MAPKAPK5: variants seen among roughly 807,000 people sequenced by gnomAD.
MAPKAPK5 encodes MAPK activated protein kinase 5, also known as MAP kinase-activated protein kinase 5.
MAPKAPK5 carries 30 observed loss-of-function variants against 65.1 expected under a neutral mutation model. That is an observed-to-expected ratio of 0.46 (90% confidence interval 0.34 to 0.63). The LOEUF is 0.63. MAPKAPK5 is among the 20% of genes least tolerant of loss of function. The pLI, the probability that MAPKAPK5 is intolerant of heterozygous loss-of-function variation, is 0.01. For synonymous variants in MAPKAPK5, 179 were observed against 204.6 expected, an observed-to-expected ratio of 0.87 and a Z score of 1.07; for missense variants, 433 against 581.4, an observed-to-expected ratio of 0.74 and a Z score of 2.63.
rs563154722 is a variant in MAPKAPK5, at chr12:111,883,838, G to T, written c.848+70G>T. Reference sequence around the variant, plus strand: ...GGTGGTGGAGCACAAGGGAATGTGGGTAGAGAAAAGTCACTGGTTTCCTAG... The same window carrying T: ...GGTGGTGGAGCACAAGGGAATGTGGTTAGAGAAAAGTCACTGGTTTCCTAG... On this transcript the variant is annotated intron_variant, in intron 9 of 13. Coordinates refer to ENST00000550735, the MANE Select transcript of MAPKAPK5 (RefSeq NM_003668.4). The surrounding 1 kb of genome is among the most constrained non-coding windows in gnomAD (Gnocchi z 4.8). The T allele has an allele frequency of 2.0e-6, 3 of 1,481,856 alleles. No homozygotes were observed. The African/African-American group carries it at 4.2e-5, about 21-fold the overall frequency. 91.8% of individuals were successfully genotyped at this position (1,481,856 alleles called of 1,614,324 possible).
Position 111,894,932 on chromosome 12 carries a change from C to T in MAPKAPK5, c.*1871C>T, listed in dbSNP as rs576936280. On this transcript the variant is annotated 3_prime_UTR_variant, in exon 14 of 14. Coordinates refer to ENST00000550735, the MANE Select transcript of MAPKAPK5 (RefSeq NM_003668.4). Reference sequence around the variant, plus strand: ...TTCTCTTCGATCAAAATTGATCTCACCAGCAACTTATTTTCTAACTCCTCC... The same window carrying T: ...TTCTCTTCGATCAAAATTGATCTCATCAGCAACTTATTTTCTAACTCCTCC... The T allele has an allele frequency of 1.3e-5, 2 of 152,064 alleles. No homozygotes were observed. Among genetic ancestry groups the T allele is most frequent in the African/African-American group, 4.8e-5 (2 of 41,478 alleles). The allele number at this position is 152,064 out of a possible 1,614,324, so 9.4% of individuals were successfully genotyped here.
intron 13 of MAPKAPK5, among the ~76,000 whole-genome samples, chr12:111,891,427 A>G: frequency 6.6e-6 from 1 of 151,720 alleles, no homozygotes. Flanking sequence ...TAGACATGCC[A>G]TAAGAAATCT....
At position 111,883,557 on chromosome 12, in the gene MAPKAPK5, GA is replaced by G; in HGVS notation, c.661-23del. 6.2e-7 allele frequency: 1 copy of G among 1,608,122 alleles called. No individual in the cohort carries two copies. Among genetic ancestry groups the G allele is most frequent in the Non-Finnish European group, 8.5e-7 (1 of 1,176,660 alleles). On this transcript the variant is annotated intron_variant, in intron 8 of 13. Transcript: ENST00000550735. This position sits in a 1 kb window ranked among gnomAD's most constrained non-coding sequence, Gnocchi z 4.8. ...TGGGGGCTCTGCTTCTGCTGTGAGT[GA>G]CCATTTTCTTTTTTGCTTTCAGAGC...
intron 5 of MAPKAPK5, 68 bp from the exon 6 acceptor site, chr12:111,870,203 C>A (rs2069738180): frequency 2.8e-6 from 3 of 1,071,380 alleles, no homozygotes; most frequent in South Asian, 1.6e-5. Flanking sequence ...ATCCTGAGTT[C>A]TCTACGCCAG....
Position 111,842,755 on chromosome 12 carries a change from G to C in MAPKAPK5, c.22G>C (p.Asp8His). The part of the protein sequence containing the change: MSEESDM[D>H]KAIKETSILE... The stretch of plus-strand genomic sequence containing the variant: ...GAGTATGTCGGAGGAGAGCGACATG[G>C]ACAAAGCCATCAAGGTAAGGGGGAG... Residue 8 changes from aspartate (D) to histidine (H), a missense_variant, in exon 1 of 14, where the codon GAC becomes CAC. Around this residue, in one of 3 missense-constraint regions of MAPKAPK5, gnomAD observed 165 missense variants for 180.0 expected, o/e 0.92. Coordinates refer to ENST00000550735, the MANE Select transcript of MAPKAPK5 (RefSeq NM_003668.4). 7.4e-7 allele frequency: 1 copy of C among 1,344,638 alleles called. No homozygotes were observed. The highest frequency in any genetic ancestry group is 9.6e-7 in the Non-Finnish European group (1 of 1,040,530). The allele number at this position is 1,344,638 out of a possible 1,614,324, so 83.3% of individuals were successfully genotyped here.
At chr12:111,885,803 C>T (rs1384246314) in intron 9 of MAPKAPK5, 113 bp from the exon 10 acceptor site, 2 of 1,380,548 alleles carry the variant, frequency 1.4e-6, no homozygotes, top group Non-Finnish European at 2.0e-6. Context: ...GTGGAAAGCC[C>T]AGGCTTGCAG....
rs376460255 is a variant in MAPKAPK5, at chr12:111,888,614, C to A, written c.1096C>A (p.Leu366Ile). The change falls in exon 11 of 14, where the codon CTT becomes ATT. Residue 366 changes from leucine to isoleucine, a missense_variant. By Grantham distance (5) the Leu-to-Ile change is conservative. Around this residue, in one of 3 missense-constraint regions of MAPKAPK5, gnomAD observed 169 missense variants for 215.6 expected, o/e 0.78. Transcript: ENST00000550735. ...NNPILRKRKL[L>I]GTKPKDSVYI... is the part of the protein sequence containing the mutation. ...CCCCATTCTGCGGAAGAGGAAGTTACTTGGGTAACTGAGCTTATTTCTTCG... is the reference window on the plus strand; with the variant it reads ...CCCCATTCTGCGGAAGAGGAAGTTAATTGGGTAACTGAGCTTATTTCTTCG... 5.6e-6 allele frequency: 9 copies of A among 1,613,612 alleles called. No individual in the cohort carries two copies. The African/African-American group carries it at 1.1e-4, about 19-fold the overall frequency.
At chr12:111,880,622 C>G in intron 8 of MAPKAPK5, 95 bp downstream of exon 8, 1 of 1,035,260 alleles carries the variant, frequency 9.7e-7, no homozygotes, top group Non-Finnish European at 1.5e-6. Flanking sequence ...CAATTCCTTT[C>G]TCACCCCTTA....
intron 1 of MAPKAPK5, among the ~76,000 whole-genome samples, chr12:111,858,752 GGGCTGGTCTCGAGCTCCTGACC>G (rs1312170827): frequency 6.8e-6 from 1 of 146,032 alleles, no homozygotes; most frequent in Non-Finnish European, 1.5e-5. Flanking sequence ...TGTGTTGGCC[GGGCTGGTCTCGAGCTCCTGACC>G]TCATGATCCG....
rs529872960 is a variant in MAPKAPK5, at chr12:111,859,404, G to A, written c.37-5846G>A. 1.7e-3 allele frequency among the ~76,000 whole-genome samples: 263 copies of A among 151,172 alleles called. 2 individuals carry two copies. The highest frequency in any genetic ancestry group is 1.6e-3 in the Non-Finnish European group (109 of 67,756). On this transcript the variant is annotated intron_variant, in intron 1 of 13. Transcript: ENST00000550735. ...AGCGATTCTCCTGCCTCAGCCTCCC[G>A]AGTAGCTGGGATTACAGGCACCCGC...
At chr12:111,885,830 G>C in intron 9 of MAPKAPK5, 86 bp from the exon 10 acceptor site, 1 of 1,567,460 alleles carries the variant, frequency 6.4e-7, no homozygotes. Context: ...GAAGTAACCA[G>C]AACTGTTTAG....
intron 7 of MAPKAPK5, among the ~76,000 whole-genome samples, chr12:111,875,999 G>T (rs2069950194): frequency 6.6e-6 from 1 of 151,674 alleles, no homozygotes. Context: ...TGAGGTCAGG[G>T]GTTCAAGACT....
intron 10 of MAPKAPK5, among the ~76,000 whole-genome samples, chr12:111,886,281 C>T (rs2070401731): frequency 6.6e-6 from 1 of 152,178 alleles, no homozygotes; most frequent in Admixed American, 6.5e-5. Context: ...ATTTCTGCTA[C>T]AGGGCTGCGG....
In MAPKAPK5 at chr12:111,883,352, C is replaced by T. The variant is rs188753790; in HGVS notation, c.661-229C>T. ...CTGAGATTACGCCACTGCACTCCAG[C>T]CTGGGCAACAGAGCAAGACTCTGTC... On this transcript the variant is annotated intron_variant, in intron 8 of 13. Coordinates refer to ENST00000550735, the MANE Select transcript of MAPKAPK5 (RefSeq NM_003668.4). This position sits in a 1 kb window ranked among gnomAD's most constrained non-coding sequence, Gnocchi z 4.8. Among the ~76,000 whole-genome samples, 190 of 152,110 alleles carry T rather than the reference C, an allele frequency of 1.2e-3. 1 individual carries two copies. Among genetic ancestry groups the T allele is most frequent in the Non-Finnish European group, 1.3e-3 (87 of 68,002 alleles).
intron 13 of MAPKAPK5, among the ~76,000 whole-genome samples, chr12:111,892,589 CT>C (rs2070652053): frequency 6.6e-6 from 1 of 152,154 alleles, no homozygotes; most frequent in Non-Finnish European, 1.5e-5. Flanking sequence ...TAGATTTCCT[CT>C]TTTGTGAAGT....
intron 7 of MAPKAPK5, among the ~76,000 whole-genome samples, chr12:111,874,578 TCTC>T (rs1359665614): frequency 6.8e-6 from 1 of 148,042 alleles, no homozygotes; most frequent in Non-Finnish European, 1.5e-5. Flanking sequence ...TTCAAGCAAT[TCTC>T]CTGTCTCAGC....
intron 1 of MAPKAPK5, among the ~76,000 whole-genome samples, chr12:111,846,983 G>A (rs937472576): frequency 2.0e-4 from 30 of 152,048 alleles, no homozygotes; most frequent in African/African-American, 7.0e-4. Context: ...AAGATTTCAG[G>A]CATCCACTGG....
rs61349417 is a variant in MAPKAPK5, at chr12:111,881,403, C to CTT, written c.660+894_660+895dup. 2.8e-4 allele frequency among the ~76,000 whole-genome samples: 31 copies of CTT among 110,724 alleles called. 1 individual carries two copies. The highest frequency in any genetic ancestry group is 9.3e-4 in the African/African-American group (27 of 29,072). The allele number at this position is 110,724 out of a possible 152,430, so 72.6% of individuals were successfully genotyped here. ...GCCCACATATTGATCCTGTCTGTTCCTTTTTTTTTTTTTTTTTTTGAGACA... is the reference window on the plus strand; with the variant it reads ...GCCCACATATTGATCCTGTCTGTTCCTTTTTTTTTTTTTTTTTTTTTGAGACA... On this transcript the variant is annotated intron_variant, in intron 8 of 13. Transcript: ENST00000550735.
In MAPKAPK5 at chr12:111,842,509, C is replaced by T. The variant is rs2068746486; in HGVS notation, c.-225C>T. The T allele has an allele frequency of 5.5e-6, 2 of 362,446 alleles. No homozygotes were observed. The highest frequency in any genetic ancestry group is 4.2e-5 in the African/African-American group (2 of 47,190). 22.5% of individuals were successfully genotyped at this position (362,446 alleles called of 1,614,324 possible). ...TGGGGCCCAGCACAAAGACCTGTCC[C>T]CAGGGGCCGCCGCCTCCGCCGCTGC... On this transcript the variant is annotated 5_prime_UTR_variant, in exon 1 of 14. Coordinates refer to ENST00000550735, the MANE Select transcript of MAPKAPK5 (RefSeq NM_003668.4).
Sources: gnomAD v4.1 joint callset for allele counts (sites outside exome capture counted in the v4.1 genomes callset) on GRCh38, gnomAD v4.1.1 for gene constraint, gnomAD v4.1.1 regional missense constraint, Gnocchi (gnomAD v3.1) non-coding constraint, MANE v1.5 for transcripts, NCBI Gene and HGNC (gene_info 2026-07-23, HGNC 2026-07-21) for gene names.